The following FOLH1 variants were observed in gnomAD, a reference collection of about 807,000 sequenced individuals.
FOLH1 encodes the protein folate hydrolase 1, also known as glutamate carboxypeptidase 2.
A neutral mutation model predicts 93.9 loss-of-function variants in FOLH1; 54 were observed. That is an observed-to-expected ratio of 0.57 (90% CI 0.46 to 0.72). The LOEUF is 0.72. Among genes scored for constraint, FOLH1 ranks in the 30% least tolerant of loss-of-function variants. The probability of loss-of-function intolerance (pLI) is 0.00; values close to 1 mark genes in which losing one functional copy is unlikely to be tolerated. For synonymous variants in FOLH1, 249 were observed against 303.6 expected, an observed-to-expected ratio of 0.82 and a Z score of 1.87; for missense variants, 571 against 892.5, an observed-to-expected ratio of 0.64 and a Z score of 4.59.
intron 13 of FOLH1, among the ~76,000 whole-genome samples, chr11:49,160,271 A>G (rs1175583735): frequency 1.3e-5 from 2 of 152,148 alleles, no homozygotes; most frequent in Admixed American, 6.5e-5. Context: ...TTTTCAAAAA[A>G]TCAGCTCCTG....
At chr11:49,186,020 T>G (rs1319113931) in intron 5 of FOLH1, 165 bp from the exon 6 acceptor site, 2 of 1,014,258 alleles carry the variant, frequency 2.0e-6, no homozygotes, top group African/African-American at 3.4e-5. Context: ...CCCTTTTCTT[T>G]TTGCTACTAT....
At chr11:49,190,496 C>T (rs1861913241) in intron 4 of FOLH1, among the ~76,000 whole-genome samples, 1 of 152,156 alleles carries the variant, frequency 6.6e-6, no homozygotes, top group Non-Finnish European at 1.5e-5. Context: ...TTCCATCTCC[C>T]TAACTCTTAT....
chr11:49,171,373 A>G, intron 10 of FOLH1, 96 bp from the exon 11 acceptor site: 1 of 1,372,586 alleles, frequency 7.3e-7, no homozygotes, highest in South Asian at 1.6e-5. Flanking sequence ...AAAAAAAGTC[A>G]TTGATGGTTT....
intron 4 of FOLH1, among the ~76,000 whole-genome samples, chr11:49,187,845 C>T (rs1330284997): frequency 6.6e-6 from 1 of 152,214 alleles, no homozygotes; most frequent in African/African-American, 2.4e-5. Context: ...GAATGCCACA[C>T]ATTCAGTGAC....
In FOLH1 at chr11:49,196,694, A is replaced by G. The variant is rs535094041; in HGVS notation, c.411+3561T>C. On this transcript the variant is annotated intron_variant, in intron 3 of 18. Transcript: ENST00000256999. Reference sequence around the variant, plus strand: ...CATCTTAAAGAAAAATGTGTTTAATATAAATCCATACAGCAAAAAATTTTA... The same window carrying G: ...CATCTTAAAGAAAAATGTGTTTAATGTAAATCCATACAGCAAAAAATTTTA... 3.9e-5 allele frequency among the ~76,000 whole-genome samples: 6 copies of G among 152,352 alleles called. No homozygotes were observed. In the South Asian group the frequency reaches 6.2e-4, roughly 16 times the overall value.
chr11:49,202,320 T>A (rs1160379566), intron 2 of FOLH1, among the ~76,000 whole-genome samples: 2 of 152,196 alleles, frequency 1.3e-5, no homozygotes, highest in Non-Finnish European at 2.9e-5. Context: ...AAATATGAAT[T>A]TACAAATTTT....
At chr11:49,184,176 T>TTTG (rs1393160764) in intron 6 of FOLH1, among the ~76,000 whole-genome samples, 2 of 152,196 alleles carry the variant, frequency 1.3e-5, no homozygotes, top group East Asian at 3.8e-4. Context: ...CTGTGTGGGA[T>TTTG]TTGTTTTCAA....
chr11:49,177,177 C>T lies in FOLH1; in HGVS notation c.921-1220G>A, dbSNP rs187291713. Among the ~76,000 whole-genome samples, 83 of 152,316 alleles carry T rather than the reference C, an allele frequency of 5.4e-4. 1 individual carries two copies. The East Asian group carries it at 8.7e-3, about 16-fold the overall frequency. On this transcript the variant is annotated intron_variant, in intron 7 of 18. Coordinates refer to ENST00000256999, the MANE Select transcript of FOLH1 (RefSeq NM_004476.3). ...GGAAAATTCATTAGAATTAACATCT[C>T]GTTTTAAAATGCTCTATCAAAGTGT... is the stretch of plus-strand genomic sequence containing the variant.
chr11:49,159,258 C>T (rs1857375101), intron 13 of FOLH1, among the ~76,000 whole-genome samples: 3 of 152,142 alleles, frequency 2.0e-5, no homozygotes, highest in Admixed American at 6.6e-5. Flanking sequence ...ACGATGTTGG[C>T]TGTGGGTTTG....
At chr11:49,179,331 T>C (rs1382178886) in intron 7 of FOLH1, among the ~76,000 whole-genome samples, 1 of 152,198 alleles carries the variant, frequency 6.6e-6, no homozygotes, top group Non-Finnish European at 1.5e-5. Context: ...ATAAATCACG[T>C]CTGTAAAACG....
At chr11:49,168,535 C>A (rs1282624403) in intron 12 of FOLH1, among the ~76,000 whole-genome samples, 2 of 152,112 alleles carry the variant, frequency 1.3e-5, no homozygotes, top group Non-Finnish European at 2.9e-5. Context: ...TCTGAACTCC[C>A]AGAGTGGTTT....
In FOLH1 at chr11:49,181,605, T is replaced by C. The variant is rs1181726001; in HGVS notation, c.920+1544A>G. 2.0e-5 allele frequency among the ~76,000 whole-genome samples: 3 copies of C among 152,102 alleles called. No homozygotes were observed. In the East Asian group the frequency reaches 5.8e-4, roughly 29 times the overall value. The stretch of plus-strand genomic sequence containing the variant: ...TCGAGTACATATAAATTGTTGAAGA[T>C]TTGTGTTGTCTACAGTTTTCCACTA... On this transcript the variant is annotated intron_variant, in intron 7 of 18. Coordinates refer to ENST00000256999, the MANE Select transcript of FOLH1 (RefSeq NM_004476.3).
chr11:49,200,665 G>A lies in FOLH1; in HGVS notation c.225-224C>T, dbSNP rs541224377. Among the ~76,000 whole-genome samples, 6 of 152,180 alleles carry A rather than the reference G, an allele frequency of 3.9e-5. No individual in the cohort carries two copies. In the South Asian group the frequency reaches 8.3e-4, roughly 21 times the overall value. The stretch of plus-strand genomic sequence containing the variant: ...AGAAAAATCGGAGAAACTGATTTTT[G>A]TATCATTATGTGTAATCCTATTACT... On this transcript the variant is annotated intron_variant, in intron 2 of 18. Transcript: ENST00000256999.
rs1193032047 is a variant in FOLH1 at position 49,155,835 on chromosome 11, T to TATATATATAA, written c.1623+881_1623+882insTTATATATAT. Among the ~76,000 whole-genome samples, 258 of 121,774 alleles carry TATATATATAA rather than the reference T, an allele frequency of 2.1e-3. 7 individuals are homozygous for TATATATATAA. Among genetic ancestry groups the TATATATATAA allele is most frequent in the African/African-American group, 5.8e-3 (174 of 30,080 alleles). The allele number at this position is 121,774 out of a possible 152,430, so 79.9% of individuals were successfully genotyped here. On this transcript the variant is annotated intron_variant, in intron 15 of 18. Transcript: ENST00000256999. ...ATATATATATATATATATATATATA[T>TATATATATAA]AATCAACAACAAAAGAAAGGGAATC...
intron 7 of FOLH1, among the ~76,000 whole-genome samples, chr11:49,181,853 C>T (rs888075471): frequency 3.9e-5 from 6 of 152,126 alleles, no homozygotes; most frequent in Admixed American, 1.3e-4. Flanking sequence ...ACTCCCCAGA[C>T]GTCAGCCTCC....
chr11:49,145,304 C>T lies in FOLH1; in HGVS notation c.*1452G>A, dbSNP rs3872565. Reference sequence around the variant, plus strand: ...TTTTCAATCTGCTTTCTGTGTGCACCCTTGGCAAACTCTGGCAATGCAAAT... The same window carrying T: ...TTTTCAATCTGCTTTCTGTGTGCACTCTTGGCAAACTCTGGCAATGCAAAT... On this transcript the variant is annotated 3_prime_UTR_variant, in exon 19 of 19. Transcript: ENST00000256999. Among the ~76,000 whole-genome samples the T allele has an allele frequency of 2.0e-5, 3 of 151,956 alleles. No individual in the cohort carries two copies. The highest frequency in any genetic ancestry group is 4.4e-5 in the Non-Finnish European group (3 of 67,986).
intron 7 of FOLH1, among the ~76,000 whole-genome samples, chr11:49,181,228 C>T (rs1386599039): frequency 2.0e-5 from 3 of 151,726 alleles, no homozygotes; most frequent in Non-Finnish European, 4.4e-5. Flanking sequence ...CTGCCTCAGC[C>T]TCCTGAGTAG....
intron 4 of FOLH1, among the ~76,000 whole-genome samples, chr11:49,189,747 T>C (rs529701643): frequency 6.6e-6 from 1 of 152,322 alleles, no homozygotes; most frequent in African/African-American, 2.4e-5. Context: ...GTGGATGGGA[T>C]AATACAATAA....
intron 13 of FOLH1, among the ~76,000 whole-genome samples, chr11:49,160,064 C>T (rs533010838): frequency 3.3e-5 from 5 of 152,192 alleles, no homozygotes; most frequent in African/African-American, 1.2e-4. Flanking sequence ...AGGCACCTGC[C>T]ACCACACCCA....
Sources: allele counts gnomAD v4.1 joint callset (sites outside exome capture counted in the v4.1 genomes callset), GRCh38; gene constraint gnomAD v4.1.1; transcripts MANE v1.5; gene names NCBI Gene and HGNC (gene_info 2026-07-23, HGNC 2026-07-21).